NFIB: variants seen among roughly 807,000 people sequenced by gnomAD.
The protein encoded by NFIB is nuclear factor 1 B-type.
Under a neutral mutation model 61.5 loss-of-function variants are expected in NFIB, and 11 were observed. The ratio of observed to expected loss-of-function variants is 0.18; its 90% confidence interval spans 0.11 to 0.30. The LOEUF is 0.30. Ranked by LOEUF, NFIB falls within the 10% of genes least tolerant of loss-of-function variation. The probability of loss-of-function intolerance (pLI) is 1.00; values close to 1 mark genes in which losing one functional copy is unlikely to be tolerated. For missense variants in NFIB, 471 were observed against 608.9 expected (o/e 0.77, Z 2.38); for synonymous variants, 260 against 216.5 (o/e 1.20, Z -1.76).
At chr9:14,442,393 G>T in the NFIB span, among the ~76,000 whole-genome samples, 1 of 152,110 alleles carries the variant, frequency 6.6e-6, no homozygotes, top group African/African-American at 2.4e-5. Context: ...ATGAGCAAGA[G>T]CAAAAAATGC....
the NFIB span, among the ~76,000 whole-genome samples, chr9:14,499,652 G>C: frequency 6.6e-6 from 1 of 152,172 alleles, no homozygotes; most frequent in East Asian, 1.9e-4. Context: ...CTTGTGAAGG[G>C]GAATTGACGG....
intron 3 of NFIB, among the ~76,000 whole-genome samples, chr9:14,176,417 A>C (rs537240257): frequency 6.6e-6 from 1 of 152,320 alleles, no homozygotes; most frequent in Non-Finnish European, 1.5e-5. Flanking sequence ...TCTGAGTTGT[A>C]GAGCACCTTC....
At chr9:14,298,716 A>G (rs1330085641) in intron 2 of NFIB, among the ~76,000 whole-genome samples, 5 of 152,242 alleles carry the variant, frequency 3.3e-5, no homozygotes, top group Non-Finnish European at 7.3e-5. Flanking sequence ...TTAAAGAATA[A>G]GAGGAAACAG....
the NFIB span, among the ~76,000 whole-genome samples, chr9:14,507,792 A>T: frequency 6.6e-6 from 1 of 152,160 alleles, no homozygotes; most frequent in Non-Finnish European, 1.5e-5. Flanking sequence ...GAAATAAAGC[A>T]ACCATCAAAA....
chr9:14,220,006 G>A (rs183360206), intron 2 of NFIB, among the ~76,000 whole-genome samples: 8 of 152,206 alleles, frequency 5.3e-5, no homozygotes, highest in East Asian at 1.9e-4. Context: ...TCTTGGGAGC[G>A]CATCAAAGCA....
chr9:14,377,019 T>C (rs1435977773), intron 1 of NFIB, among the ~76,000 whole-genome samples: 2 of 152,196 alleles, frequency 1.3e-5, no homozygotes, highest in East Asian at 1.9e-4. Context: ...AGATATACTG[T>C]ATAAAATAAA....
At chr9:14,402,580 A>G (rs1417678860), upstream of NFIB, among the ~76,000 whole-genome samples, 1 of 152,210 alleles carries the variant, frequency 6.6e-6, no homozygotes, top group Non-Finnish European at 1.5e-5. Flanking sequence ...AGATTGTAAA[A>G]GAAAACATCA....
At chr9:14,223,729 G>A (rs2052006201) in intron 2 of NFIB, among the ~76,000 whole-genome samples, 1 of 152,222 alleles carries the variant, frequency 6.6e-6, no homozygotes. Flanking sequence ...AAATGCAAAC[G>A]CAGAAAAATC....
chr9:14,379,673 T>TTTTA (rs932729720), intron 1 of NFIB, among the ~76,000 whole-genome samples: 20 of 152,098 alleles, frequency 1.3e-4, no homozygotes, highest in South Asian at 8.3e-4. Flanking sequence ...GGTTATCAGA[T>TTTTA]TTTATTTATT....
At chr9:14,339,107 C>A (rs1013521484) in intron 1 of NFIB, among the ~76,000 whole-genome samples, 1 of 152,086 alleles carries the variant, frequency 6.6e-6, no homozygotes, top group Non-Finnish European at 1.5e-5. Flanking sequence ...CAGGTTTGTT[C>A]AAATCTAGAA....
intron 10 of NFIB, among the ~76,000 whole-genome samples, chr9:14,111,241 T>A (rs543049002): frequency 2.6e-5 from 4 of 152,178 alleles, no homozygotes; most frequent in African/African-American, 4.8e-5. Context: ...TTTTTAGATA[T>A]GTGAAAGAAG....
intron 1 of NFIB, among the ~76,000 whole-genome samples, chr9:14,387,261 T>C (rs1327221627): frequency 2.6e-5 from 4 of 152,128 alleles, no homozygotes; most frequent in Non-Finnish European, 5.9e-5. Flanking sequence ...TTCAGACGAG[T>C]GTTCTTTTCA....
chr9:14,329,745 C>T (rs1463997047), intron 1 of NFIB, among the ~76,000 whole-genome samples: 2 of 151,562 alleles, frequency 1.3e-5, no homozygotes, highest in East Asian at 2.0e-4. Flanking sequence ...CAACTCCTGA[C>T]CTCATGATCC....
the NFIB span, among the ~76,000 whole-genome samples, chr9:14,511,902 G>C: frequency 2.6e-5 from 4 of 151,984 alleles, no homozygotes; most frequent in African/African-American, 9.7e-5. Context: ...CATCCAGTCA[G>C]AAAAAAACAA....
intron 1 of NFIB, among the ~76,000 whole-genome samples, chr9:14,388,139 A>G (rs1018283917): frequency 1.3e-5 from 2 of 152,354 alleles, no homozygotes; most frequent in Non-Finnish European, 2.9e-5. Context: ...GCATAAAAGT[A>G]TTATAGGATA....
At chr9:14,263,515 G>A (rs1449309917) in intron 2 of NFIB, among the ~76,000 whole-genome samples, 1 of 152,234 alleles carries the variant, frequency 6.6e-6, no homozygotes, top group Non-Finnish European at 1.5e-5. Flanking sequence ...AAAAAGATGC[G>A]AAGTGGAGAG....
intron 2 of NFIB, among the ~76,000 whole-genome samples, chr9:14,295,603 C>G (rs1346422541): frequency 2.0e-5 from 3 of 151,626 alleles, no homozygotes; most frequent in Non-Finnish European, 4.4e-5. Context: ...TGCACTCCAG[C>G]CTGGGCTACC....
the NFIB span, among the ~76,000 whole-genome samples, chr9:14,477,192 G>C: frequency 6.6e-6 from 1 of 152,152 alleles, no homozygotes; most frequent in Non-Finnish European, 1.5e-5. Flanking sequence ...TTCCATAAAG[G>C]TGTGGCATTA....
chr9:14,492,713 GCC>G, the NFIB span, among the ~76,000 whole-genome samples: 1 of 152,044 alleles, frequency 6.6e-6, no homozygotes. Flanking sequence ...CTCCCACCAG[GCC>G]CCCCACCTCC....
Sources: allele counts gnomAD v4.1 joint callset (sites outside exome capture counted in the v4.1 genomes callset), GRCh38; gene constraint gnomAD v4.1.1; transcripts MANE v1.5; gene names NCBI Gene and HGNC (gene_info 2026-07-23, HGNC 2026-07-21).